The following SPOCK3 variants were observed in gnomAD, a reference collection of about 807,000 sequenced individuals.
The protein encoded by SPOCK3 is testican-3.
SPOCK3 carries 30 observed loss-of-function variants against 56.6 expected under a neutral mutation model. That is an observed-to-expected ratio of 0.53 (90% CI 0.40 to 0.72). The LOEUF is 0.72. SPOCK3 is among the 30% of genes least tolerant of loss of function. The pLI is 0.00. For missense variants in SPOCK3, 527 were observed against 530.0 expected, an observed-to-expected ratio of 0.99 and a Z score of 0.06; for synonymous variants, 196 against 183.3, an observed-to-expected ratio of 1.07 and a Z score of -0.56.
At chr4:166,857,503 T>A (rs1730817203) in intron 6 of SPOCK3, among the ~76,000 whole-genome samples, 1 of 152,148 alleles carries the variant, frequency 6.6e-6, no homozygotes, top group Non-Finnish European at 1.5e-5. Context: ...TTTCATCCAT[T>A]ATGGAGGTCC....
chr4:167,204,334 C>T (rs552104248), intron 2 of SPOCK3, among the ~76,000 whole-genome samples: 6 of 152,080 alleles, frequency 3.9e-5, no homozygotes, highest in African/African-American at 9.6e-5. Context: ...AAGAAATAGC[C>T]GAGACTGAAT....
chr4:167,083,368 C>T (rs148681458), intron 2 of SPOCK3: 13 of 758,206 alleles, frequency 1.7e-5, no homozygotes, highest in Non-Finnish European at 2.4e-5. Flanking sequence ...CAGTGAATAA[C>T]GAATTCAACT....
chr4:167,052,176 T>C (rs769612417), intron 3 of SPOCK3, among the ~76,000 whole-genome samples: 10 of 152,212 alleles, frequency 6.6e-5, no homozygotes, highest in African/African-American at 1.4e-4. Flanking sequence ...TTATGGGCTA[T>C]GGTGTAAAAC....
At chr4:167,200,482 T>C (rs891211896) in intron 2 of SPOCK3, among the ~76,000 whole-genome samples, 2 of 152,028 alleles carry the variant, frequency 1.3e-5, no homozygotes, top group Non-Finnish European at 2.9e-5. Flanking sequence ...CATCAGCCAC[T>C]AGATACACCA....
chr4:166,792,606 G>A (rs1488664453), intron 6 of SPOCK3, among the ~76,000 whole-genome samples: 1 of 151,972 alleles, frequency 6.6e-6, no homozygotes, highest in African/African-American at 2.4e-5. Context: ...TTTTTATGCT[G>A]GGGTGATAGG....
At chr4:167,079,904 A>G (rs1383376166) in intron 2 of SPOCK3, among the ~76,000 whole-genome samples, 1 of 152,014 alleles carries the variant, frequency 6.6e-6, no homozygotes, top group African/African-American at 2.4e-5. Context: ...AACTGTGCCT[A>G]CCAGTTTCAG....
intron 2 of SPOCK3, among the ~76,000 whole-genome samples, chr4:167,147,010 A>G (rs1054451844): frequency 5.3e-5 from 8 of 152,138 alleles, no homozygotes; most frequent in African/African-American, 1.7e-4. Context: ...CAAAAAATCA[A>G]TGAATCCAGG....
chr4:166,776,899 A>G (rs535984988), intron 7 of SPOCK3, among the ~76,000 whole-genome samples: 1 of 152,246 alleles, frequency 6.6e-6, no homozygotes, highest in African/African-American at 2.4e-5. Flanking sequence ...CAATAAGTAA[A>G]TAATTGCATT....
chr4:167,109,862 A>AT (rs1760747839), intron 2 of SPOCK3, among the ~76,000 whole-genome samples: 1 of 151,832 alleles, frequency 6.6e-6, no homozygotes, highest in Admixed American at 6.6e-5. Flanking sequence ...TCATAAAATC[A>AT]TATCTTTCTA....
chr4:166,842,676 T>G (rs895116916), intron 6 of SPOCK3, among the ~76,000 whole-genome samples: 4 of 152,128 alleles, frequency 2.6e-5, no homozygotes, highest in African/African-American at 9.6e-5. Flanking sequence ...CCACCAACCC[T>G]GAGCTAAACA....
chr4:167,052,263 G>C (rs774527538), intron 3 of SPOCK3, among the ~76,000 whole-genome samples: 1 of 152,156 alleles, frequency 6.6e-6, no homozygotes, highest in Non-Finnish European at 1.5e-5. Flanking sequence ...GCCCTATGTA[G>C]TTCTTAGGTA....
At chr4:166,942,176 G>A (rs1332291874) in intron 4 of SPOCK3, among the ~76,000 whole-genome samples, 14 of 151,834 alleles carry the variant, frequency 9.2e-5, no homozygotes, top group Admixed American at 7.2e-4. Context: ...TTTGAGTATA[G>A]GTCACTCGGT....
intron 9 of SPOCK3, among the ~76,000 whole-genome samples, chr4:166,741,225 A>C (rs1167656638): frequency 6.6e-6 from 1 of 152,180 alleles, no homozygotes; most frequent in African/African-American, 2.4e-5. Context: ...AACCAAATAA[A>C]GTCTGAAGCT....
At position 166,919,711 on chromosome 4, in the gene SPOCK3, G is replaced by A. The variant is rs141147977; in HGVS notation, c.351-6968C>T. 1.7e-3 allele frequency among the ~76,000 whole-genome samples: 262 copies of A among 152,220 alleles called. 10 individuals carry two copies. Among genetic ancestry groups the A allele is most frequent in the Admixed American group, 0.013 (197 of 15,272 alleles). On this transcript the variant is annotated intron_variant, in intron 4 of 10. Coordinates refer to ENST00000357545, the MANE Select transcript of SPOCK3 (RefSeq NM_001040159.2). ...TATAAGATATAAAGAGTCATTACCA[G>A]GAGTTATAATGGACAAGAAATCTTT...
intron 3 of SPOCK3, among the ~76,000 whole-genome samples, chr4:167,049,818 A>T (rs1211929968): frequency 6.6e-6 from 1 of 152,150 alleles, no homozygotes; most frequent in Non-Finnish European, 1.5e-5. Context: ...AACATATGCC[A>T]AATGATTGAC....
At chr4:167,115,566 T>C (rs149451060) in intron 2 of SPOCK3, among the ~76,000 whole-genome samples, 5 of 152,180 alleles carry the variant, frequency 3.3e-5, no homozygotes, top group Non-Finnish European at 7.4e-5. Context: ...AAATGTGCTA[T>C]AGATTCAAGA....
chr4:167,228,440 A>T (rs1297048498), intron 2 of SPOCK3, among the ~76,000 whole-genome samples: 1 of 152,180 alleles, frequency 6.6e-6, no homozygotes, highest in African/African-American at 2.4e-5. Context: ...AAACACATAG[A>T]AAATCGAGTA....
At chr4:167,119,971 G>T in intron 2 of SPOCK3, 2 of 692,864 alleles carry the variant, frequency 2.9e-6, no homozygotes, top group Non-Finnish European at 4.6e-6. Context: ...TTTAAAAATG[G>T]GTAAATCGCT....
chr4:167,034,588 T>C (rs2150187299), intron 3 of SPOCK3, among the ~76,000 whole-genome samples: 1 of 152,236 alleles, frequency 6.6e-6, no homozygotes, highest in Non-Finnish European at 1.5e-5. Flanking sequence ...TAAGTCATGT[T>C]CTGTGATTAA....
Sources: allele counts gnomAD v4.1 joint callset (sites outside exome capture counted in the v4.1 genomes callset), GRCh38; gene constraint gnomAD v4.1.1; transcripts MANE v1.5; gene names NCBI Gene and HGNC (gene_info 2026-07-23, HGNC 2026-07-21).